Variants in MDFIC observed in about 807,000 individuals in gnomAD.
MDFIC encodes the protein MyoD family inhibitor domain containing.
MDFIC carries 17 observed loss-of-function variants against 23.2 expected under a neutral mutation model. The ratio of observed to expected loss-of-function variants is 0.73; its 90% CI spans 0.50 to 1.10. The LOEUF (loss-of-function observed/expected upper bound fraction) is 1.10. Among genes scored for constraint, MDFIC ranks in the 50% least tolerant of loss-of-function variants. The pLI, the probability that MDFIC is intolerant of heterozygous loss-of-function variation, is 0.00. For synonymous variants in MDFIC, 120 were observed against 115.2 expected (o/e 1.04, Z -0.27); for missense variants, 356 against 316.6 (o/e 1.12, Z -0.95).
Position 114,922,588 on chromosome 7 carries a change from A to G in MDFIC, c.-156A>G. 7.9e-7 allele frequency: 1 copy of G among 1,264,806 alleles called. No homozygotes were observed. The highest frequency in any genetic ancestry group is 1.0e-6 in the Non-Finnish European group (1 of 997,362). 78.3% of individuals were successfully genotyped at this position (1,264,806 alleles called of 1,614,324 possible). ...CGCTAACTTTCCGGGGCGGAAGAGG[A>G]GGAGGAGGAGGAGGAAGGGGCTTGG... On this transcript the variant is annotated 5_prime_UTR_variant, in exon 1 of 5. Transcript: ENST00000393486.
At chr7:114,941,318 C>T (rs994869910) in intron 2 of MDFIC, among the ~76,000 whole-genome samples, 3 of 152,154 alleles carry the variant, frequency 2.0e-5, no homozygotes, top group African/African-American at 7.2e-5. Flanking sequence ...CCAGATTTCT[C>T]ACCTTAGCAT....
intron 4 of MDFIC, among the ~76,000 whole-genome samples, chr7:115,011,064 A>G (rs1791672175): frequency 6.6e-6 from 1 of 152,212 alleles, no homozygotes; most frequent in Non-Finnish European, 1.5e-5. Flanking sequence ...CCTTCCTCCA[A>G]GGAACATCAA....
chr7:114,965,379 A>G (rs891443837), intron 3 of MDFIC, among the ~76,000 whole-genome samples: 1 of 152,188 alleles, frequency 6.6e-6, no homozygotes, highest in Admixed American at 6.5e-5. Context: ...ATTAATGTAA[A>G]CACATTTTGT....
rs1023745949 is a variant in MDFIC, at chr7:115,018,859, C to G, written c.*2924C>G. 2 of 151,758 alleles carry G rather than the reference C, an allele frequency of 1.3e-5. No homozygotes were observed. Among genetic ancestry groups the G allele is most frequent in the African/African-American group, 4.8e-5 (2 of 41,360 alleles). The allele number at this position is 151,758 out of a possible 1,614,324, so 9.4% of individuals were successfully genotyped here. A position where few individuals can be genotyped will look rare whatever the true frequency, so the allele number is the denominator to read the frequency against. On this transcript the variant is annotated 3_prime_UTR_variant, in exon 5 of 5. Coordinates refer to ENST00000393486, the MANE Select transcript of MDFIC (RefSeq NM_001166345.3). ...AAGGTTATCTTTATCATGTTTCATC[C>G]CTGTCTGAAGATTTCCTAGTCTTCT...
intron 2 of MDFIC, among the ~76,000 whole-genome samples, chr7:114,927,271 T>C (rs1412365049): frequency 6.6e-6 from 1 of 151,830 alleles, no homozygotes; most frequent in Non-Finnish European, 1.5e-5. Flanking sequence ...CATTGTTTTA[T>C]GGGCTTTAAT....
At chr7:114,950,812 T>C (rs867668991) in intron 3 of MDFIC, among the ~76,000 whole-genome samples, 2 of 152,108 alleles carry the variant, frequency 1.3e-5, no homozygotes, top group South Asian at 2.1e-4. Context: ...ATCAAATATA[T>C]CCAACAATAG....
intron 2 of MDFIC, among the ~76,000 whole-genome samples, chr7:114,933,162 A>T (rs1792356102): frequency 6.6e-6 from 1 of 152,176 alleles, no homozygotes; most frequent in East Asian, 1.9e-4. Flanking sequence ...GGTTTTTAAA[A>T]CTGTGGTGCA....
chr7:114,929,463 T>A (rs1191851936), intron 2 of MDFIC, among the ~76,000 whole-genome samples: 1 of 152,230 alleles, frequency 6.6e-6, no homozygotes, highest in Non-Finnish European at 1.5e-5. Flanking sequence ...GCTATAGATA[T>A]GGTGTCTCTG....
At chr7:114,967,780 G>A (rs1370998294) in intron 3 of MDFIC, among the ~76,000 whole-genome samples, 2 of 150,678 alleles carry the variant, frequency 1.3e-5, no homozygotes, top group African/African-American at 2.4e-5. Context: ...AAACATCTGT[G>A]TAAATGGTCT....
chr7:114,983,786 G>A (rs1302851853), intron 4 of MDFIC, among the ~76,000 whole-genome samples: 1 of 151,792 alleles, frequency 6.6e-6, no homozygotes. Context: ...GGCCAGGCTG[G>A]TCTTGAACTC....
chr7:114,995,512 G>A (rs1791304491), intron 4 of MDFIC, among the ~76,000 whole-genome samples: 4 of 152,208 alleles, frequency 2.6e-5, no homozygotes, highest in Non-Finnish European at 4.4e-5. Context: ...GTAATGTGCA[G>A]ATGGGGTTTT....
chr7:115,014,144 A>G (rs923533389), intron 4 of MDFIC: 2 of 985,258 alleles, frequency 2.0e-6, no homozygotes, highest in Non-Finnish European at 2.4e-6. Context: ...TTGTGTTTCC[A>G]CATTTTCTCC....
rs1450163509 is a variant in MDFIC at position 114,922,706 on chromosome 7, A to T, written c.-108+70A>T. On this transcript the variant is annotated intron_variant, in intron 1 of 4. Transcript: ENST00000393486. ...CATCCCCGGGGTTCTCCCAAACCCG[A>T]TCTCTCTTTCCAGCCCCTCCCCGCT... 2.2e-6 allele frequency: 3 copies of T among 1,363,618 alleles called. No homozygotes were observed. The African/African-American group carries it at 4.6e-5, about 21-fold the overall frequency. 84.5% of individuals were successfully genotyped at this position (1,363,618 alleles called of 1,614,324 possible). A position where few individuals can be genotyped will look rare whatever the true frequency, so the allele number is the denominator to read the frequency against.
At chr7:114,988,229 G>A (rs1490821878) in intron 4 of MDFIC, among the ~76,000 whole-genome samples, 1 of 152,192 alleles carries the variant, frequency 6.6e-6, no homozygotes, top group Non-Finnish European at 1.5e-5. Flanking sequence ...TAAAACAATG[G>A]AGATACAGAT....
rs937507413 is a variant in MDFIC at position 115,019,830 on chromosome 7, G to C, written c.*3895G>C. 1.3e-5 allele frequency among the ~76,000 whole-genome samples: 2 copies of C among 152,054 alleles called. No homozygotes were observed. Among genetic ancestry groups the C allele is most frequent in the Non-Finnish European group, 2.9e-5 (2 of 67,982 alleles). The stretch of plus-strand genomic sequence containing the variant: ...GTTTGTTCCACACTTACTATTTATA[G>C]TTTTTATAATCAAGCATTGGGTATT... On this transcript the variant is annotated 3_prime_UTR_variant, in exon 5 of 5. Coordinates refer to ENST00000393486, the MANE Select transcript of MDFIC (RefSeq NM_001166345.3).
At chr7:114,963,490 C>T (rs1013147553) in intron 3 of MDFIC, among the ~76,000 whole-genome samples, 1 of 152,150 alleles carries the variant, frequency 6.6e-6, no homozygotes, top group Non-Finnish European at 1.5e-5. Context: ...CCATTCCTTG[C>T]TATCCAAACT....
chr7:114,922,712 C>G (rs1792108812), intron 1 of MDFIC, 76 bp downstream of exon 1: 2 of 1,363,078 alleles, frequency 1.5e-6, no homozygotes, highest in East Asian at 6.1e-5. Flanking sequence ...CCCGATCTCT[C>G]TTTCCAGCCC....
At chr7:114,978,393 C>T (rs73719548) in intron 3 of MDFIC, among the ~76,000 whole-genome samples, 4,669 of 152,106 alleles carry the variant, frequency 0.031, 225 homozygotes, top group African/African-American at 0.1. Context: ...TATTTATACT[C>T]TCTCCACTTA....
At chr7:115,007,630 G>GTATATA (rs10528546) in intron 4 of MDFIC, among the ~76,000 whole-genome samples, 346 of 132,882 alleles carry the variant, frequency 2.6e-3, no homozygotes, top group South Asian at 9.3e-3. Flanking sequence ...GCGTGTGTGT[G>GTATATA]TATATATATA....
Sources: gnomAD v4.1 joint callset for allele counts (sites outside exome capture counted in the v4.1 genomes callset) on GRCh38, gnomAD v4.1.1 for gene constraint, MANE v1.5 for transcripts, NCBI Gene and HGNC (gene_info 2026-07-23, HGNC 2026-07-21) for gene names.